Variants in HMGCL observed in about 807,000 individuals in gnomAD.
The protein encoded by HMGCL is hydroxymethylglutaryl-CoA lyase, mitochondrial.
Under a neutral mutation model 37.3 loss-of-function variants are expected in HMGCL, and 26 were observed. The ratio of observed to expected loss-of-function variants is 0.70; its 90% CI spans 0.51 to 0.97. The LOEUF (loss-of-function observed/expected upper bound fraction) is 0.97. HMGCL is among the 50% of genes least tolerant of loss of function. HMGCL has a pLI of 0.00. For missense variants in HMGCL, 379 were observed against 398.1 expected (o/e 0.95, Z 0.41); for synonymous variants, 151 against 148.0 (o/e 1.02, Z -0.15).
At chr1:23,824,652 C>T (rs1464671114) in intron 1 of HMGCL, among the ~76,000 whole-genome samples, 1 of 152,174 alleles carries the variant, frequency 6.6e-6, no homozygotes, top group African/African-American at 2.4e-5. Flanking sequence ...TACATTTTCT[C>T]TAATTTCCAA....
intron 8 of HMGCL, among the ~76,000 whole-genome samples, chr1:23,802,941 A>C (rs1480854607): frequency 6.6e-6 from 1 of 152,264 alleles, no homozygotes; most frequent in African/African-American, 2.4e-5. Context: ...ACCAACTGAA[A>C]GGGCCAGACA....
intron 2 of HMGCL, among the ~76,000 whole-genome samples, chr1:23,818,022 T>C (rs1214644878): frequency 6.6e-6 from 1 of 152,246 alleles, no homozygotes; most frequent in Non-Finnish European, 1.5e-5. Flanking sequence ...CATTATCCTG[T>C]ATATAACATG....
intron 6 of HMGCL, chr1:23,809,230 A>C (rs1179670874): frequency 1.4e-5 from 1 of 71,936 alleles, no homozygotes; most frequent in Non-Finnish European, 2.6e-5. Flanking sequence ...ATATATATAT[A>C]TATATATATT....
intron 2 of HMGCL, among the ~76,000 whole-genome samples, chr1:23,817,903 G>A (rs912448388): frequency 6.6e-6 from 1 of 152,148 alleles, no homozygotes; most frequent in Non-Finnish European, 1.5e-5. Context: ...TCTCCCAATT[G>A]GCATAGGACT....
At chr1:23,820,043 C>T (rs1557493351) in intron 2 of HMGCL, among the ~76,000 whole-genome samples, 1 of 152,170 alleles carries the variant, frequency 6.6e-6, no homozygotes, top group Non-Finnish European at 1.5e-5. Context: ...GTAAGGAACA[C>T]CCCCAAGGCT....
rs1211196871 is a variant in HMGCL at position 23,804,386 on chromosome 1, G to T, written c.876+14C>A. The T allele has an allele frequency of 1.2e-6, 2 of 1,614,102 alleles. No homozygotes were observed. The highest frequency in any genetic ancestry group is 3.3e-5 in the Admixed American group (2 of 60,026). ...AGTTCGGGGCTGTCGCCACCAGGGG[G>T]TGGGTGGGCTTACCGTGTGAATGCC... On this transcript the variant is annotated intron_variant, in intron 8 of 8. Transcript: ENST00000374490.
chr1:23,816,086 T>C (rs888496759), intron 4 of HMGCL, among the ~76,000 whole-genome samples: 1 of 103,460 alleles, frequency 9.7e-6, no homozygotes, highest in African/African-American at 3.2e-5. Flanking sequence ...GCCAGCTAAT[T>C]GATTTTTTTT....
At position 23,817,518 on chromosome 1, in the gene HMGCL, A is replaced by G; in HGVS notation, c.210T>C (p.Val70=). The G allele has an allele frequency of 6.2e-7, 1 of 1,613,798 alleles. No individual in the cohort carries two copies. The highest frequency in any genetic ancestry group is 8.5e-7 in the Non-Finnish European group (1 of 1,179,666). Residue 70 remains valine (V), a synonymous_variant, in exon 3 of 9, where the codon GTT becomes GTC. Coordinates refer to ENST00000374490, the MANE Select transcript of HMGCL (RefSeq NM_000191.3). ...IDMLSEAGLS[V]IETTSFVSPK... Reference sequence around the variant, plus strand: ...GAGACACAAAGCTGGTGGTTTCTATAACAGAGAGTCCTGCTTCAGAAAGCA... The same window carrying G: ...GAGACACAAAGCTGGTGGTTTCTATGACAGAGAGTCCTGCTTCAGAAAGCA...
rs372709857 is a variant in HMGCL, at chr1:23,825,329, G to A, written c.60+27C>T. 1.1e-5 allele frequency: 17 copies of A among 1,543,510 alleles called. No individual in the cohort carries two copies. In the African/African-American group the frequency reaches 1.2e-4, roughly 11 times the overall value. ...TGACAGTCAGAGTGCCTGCAGGGCC[G>A]CCGCCTCGGCGGCTCGGGGCACTTA... On this transcript the variant is annotated intron_variant, in intron 1 of 8. Transcript: ENST00000374490.
intron 5 of HMGCL, among the ~76,000 whole-genome samples, chr1:23,812,253 T>C (rs903453957): frequency 2.0e-5 from 3 of 152,208 alleles, no homozygotes; most frequent in Non-Finnish European, 4.4e-5. Flanking sequence ...AGAAGGGCAC[T>C]AACTCCAGCT....
intron 1 of HMGCL, among the ~76,000 whole-genome samples, chr1:23,824,720 A>C (rs1036821728): frequency 7.2e-5 from 11 of 152,236 alleles, no homozygotes; most frequent in African/African-American, 2.7e-4. Flanking sequence ...GTTTAGAGAA[A>C]GTAAATAACT....
At chr1:23,821,859 A>G (rs1307255015) in intron 1 of HMGCL, among the ~76,000 whole-genome samples, 1 of 152,000 alleles carries the variant, frequency 6.6e-6, no homozygotes, top group Non-Finnish European at 1.5e-5. Context: ...CTTTTTTTAA[A>G]AAAACTGGCT....
chr1:23,820,245 T>C (rs969615267), intron 2 of HMGCL, among the ~76,000 whole-genome samples: 2 of 152,092 alleles, frequency 1.3e-5, no homozygotes, highest in African/African-American at 4.8e-5. Flanking sequence ...GGTCTCAAAC[T>C]CCTGGGCTCA....
chr1:23,811,646 C>A (rs568787996), intron 5 of HMGCL, among the ~76,000 whole-genome samples: 26 of 152,224 alleles, frequency 1.7e-4, no homozygotes, highest in Admixed American at 5.2e-4. Context: ...AAGAGCCAGG[C>A]ATGCTCCAGA....
At position 23,804,529 on chromosome 1, in the gene HMGCL, G is replaced by C; in HGVS notation, c.751-4C>G. The C allele has an allele frequency of 6.2e-7, 1 of 1,614,120 alleles. No homozygotes were observed. Among genetic ancestry groups the C allele is most frequent in the Non-Finnish European group, 8.5e-7 (1 of 1,179,984 alleles). ...AGTCCACGACACTCACTCCCATCTAGAAACATAAGGATGGTGAAACACAGT... is the reference window on the plus strand; with the variant it reads ...AGTCCACGACACTCACTCCCATCTACAAACATAAGGATGGTGAAACACAGT... On this transcript the variant is annotated splice_polypyrimidine_tract_variant and splice_region_variant and intron_variant, in intron 7 of 8. Transcript: ENST00000374490.
At chr1:23,812,669 G>A (rs906787444) in intron 5 of HMGCL, among the ~76,000 whole-genome samples, 5 of 152,200 alleles carry the variant, frequency 3.3e-5, no homozygotes, top group African/African-American at 1.2e-4. Flanking sequence ...AGAGGCAAGA[G>A]TGGAGGCATG....
At chr1:23,815,163 T>C (rs547891083) in intron 4 of HMGCL, among the ~76,000 whole-genome samples, 1 of 151,950 alleles carries the variant, frequency 6.6e-6, no homozygotes, top group Non-Finnish European at 1.5e-5. Flanking sequence ...GCCGAGATCA[T>C]GCCACTGTAC....
At chr1:23,807,350 C>A (rs1048654389) in intron 7 of HMGCL, 4 of 455,746 alleles carry the variant, frequency 8.8e-6, no homozygotes, top group Non-Finnish European at 1.7e-5. Context: ...CTGAGGAAAC[C>A]GACCCAGAAC....
intron 8 of HMGCL, 144 bp downstream of exon 8, chr1:23,804,256 A>G (rs1638357180): frequency 1.1e-6 from 1 of 945,852 alleles, no homozygotes; most frequent in Admixed American, 2.0e-5. Context: ...GATTACAGGC[A>G]TGAGCCACTG....
Sources: allele counts gnomAD v4.1 joint callset (sites outside exome capture counted in the v4.1 genomes callset), GRCh38; gene constraint gnomAD v4.1.1; transcripts MANE v1.5; gene names NCBI Gene and HGNC (gene_info 2026-07-23, HGNC 2026-07-21).